Variants in PCDH8 observed in about 807,000 individuals in gnomAD.
The protein encoded by PCDH8 is protocadherin 8.
PCDH8 carries 36 observed loss-of-function variants against 58.2 expected under a neutral mutation model. That is an observed-to-expected ratio of 0.62 (90% CI 0.47 to 0.82). The LOEUF is 0.82. Among genes scored for constraint, PCDH8 ranks in the 40% least tolerant of loss-of-function variants. The probability of loss-of-function intolerance (pLI) is 0.00; values close to 1 mark genes in which losing one functional copy is unlikely to be tolerated. For synonymous variants in PCDH8, 775 were observed against 728.9 expected (o/e 1.06, Z -1.02); for missense variants, 1,493 against 1,567.8 (o/e 0.95, Z 0.81).
chr13:52,843,356 CTG>C lies in PCDH8; in HGVS notation c.*1202_*1203del, dbSNP rs1278139265. 1 of 152,146 alleles carries C rather than the reference CTG, an allele frequency of 6.6e-6. No individual in the cohort carries two copies. Among genetic ancestry groups the C allele is most frequent in the Non-Finnish European group, 1.5e-5 (1 of 68,014 alleles). The allele number at this position is 152,146 out of a possible 1,614,324, so 9.4% of individuals were successfully genotyped here. A position where few individuals can be genotyped will look rare whatever the true frequency, so the allele number is the denominator to read the frequency against. On this transcript the variant is annotated 3_prime_UTR_variant, in exon 3 of 3. Transcript: ENST00000377942. The stretch of plus-strand genomic sequence containing the variant: ...AATCGATCTTGTTTCACATAGCTCC[CTG>C]TGTTTTTTTCTAGAACATTTTAAAG...
chr13:52,845,777 G>A (rs767835988), intron 1 of PCDH8, 29 bp downstream of exon 1: 8 of 1,496,994 alleles, frequency 5.3e-6, no homozygotes, highest in South Asian at 3.9e-5. Context: ...GAGCTCGGAG[G>A]GGGGCGCCCA....
rs1482311485 is a variant in PCDH8 at position 52,847,780 on chromosome 13, G to A, written c.657C>T (p.Asp219=). The A allele has an allele frequency of 1.7e-5, 25 of 1,466,148 alleles. No homozygotes were observed. The East Asian group carries it at 3.4e-4, about 20-fold the overall frequency. The allele number at this position is 1,466,148 out of a possible 1,614,324, so 90.8% of individuals were successfully genotyped here. The part of the protein sequence containing the change: ...AAYSLELVAQ[D]GGRPPRSATA... ...TGGCGGAGCGCGGCGGGCGGCCGCC[G>A]TCCTGGGCCACCAGCTCCAGGCTGT... The change falls in exon 1 of 3, where the codon GAC becomes GAT. Residue 219 remains aspartate, a synonymous_variant. Transcript: ENST00000377942.
rs1000022179 is a variant in PCDH8 at position 52,846,341 on chromosome 13, G to A, written c.2096C>T (p.Pro699Leu). 3 of 1,566,516 alleles carry A rather than the reference G, an allele frequency of 1.9e-6. No homozygotes were observed. Among genetic ancestry groups the A allele is most frequent in the Non-Finnish European group, 1.7e-6 (2 of 1,157,894 alleles). ...LLVISDGGRPPLTTTATVSFV... is the reference protein window; with the variant it reads ...LLVISDGGRPLLTTTATVSFV... ...GCTGACAGTTGCGGTGGTGGTGAGC[G>A]GGGGACGGCCGCCGTCGGATATGAC... Residue 699 changes from proline (P) to leucine (L), a missense_variant, in exon 1 of 3, where the codon CCG becomes CTG. Pro to Leu is a moderately conservative substitution (Grantham distance 98, BLOSUM62 -3). Transcript: ENST00000377942.
At position 52,845,456 on chromosome 13, in the gene PCDH8, C is replaced by A. The variant is rs576336303; in HGVS notation, c.2808G>T (p.Leu936=). ...DSDSDISGDA[L]KKDLINHMQS... ...GCATGTGGTTGATGAGATCCTTTTT[C>A]AGAGCGTCCCCGCTGATGTCGGAAT... The change falls in exon 2 of 3, where the codon CTG becomes CTT. Residue 936 remains leucine, a synonymous_variant. Coordinates refer to ENST00000377942, the MANE Select transcript of PCDH8 (RefSeq NM_002590.4). 3 of 1,614,098 alleles carry A rather than the reference C, an allele frequency of 1.9e-6. No homozygotes were observed. Among genetic ancestry groups the A allele is most frequent in the Non-Finnish European group, 2.5e-6 (3 of 1,180,046 alleles).
Position 52,847,011 on chromosome 13 carries a change from G to T in PCDH8, c.1426C>A (p.Pro476Thr). 6.4e-7 allele frequency: 1 copy of T among 1,569,390 alleles called. No homozygotes were observed. The change falls in exon 1 of 3, where the codon CCG (proline) becomes ACG (threonine). Residue 476 changes from proline to threonine, a missense_variant. Pro to Thr is a conservative substitution (Grantham distance 38). Transcript: ENST00000377942. ...GTGTAGGGCCGCACTGTGCGCAGCG[G>T]GGGCGCGCCGCGATCCTCGGCCACC... ...TLVAEDRGAP[P>T]LRTVRPYTVR...
rs1224956304 is a variant in PCDH8, at chr13:52,843,556, C to A, written c.*1004G>T. On this transcript the variant is annotated 3_prime_UTR_variant, in exon 3 of 3. Coordinates refer to ENST00000377942, the MANE Select transcript of PCDH8 (RefSeq NM_002590.4). ...TGTTAGTCTTTTTGATACTAACACC[C>A]CGAATAAGCTGAGGGCTCTTTGGGA... The A allele has an allele frequency of 6.6e-6, 1 of 152,166 alleles. No individual in the cohort carries two copies. Among genetic ancestry groups the A allele is most frequent in the African/African-American group, 2.4e-5 (1 of 41,432 alleles). 9.4% of individuals were successfully genotyped at this position (152,166 alleles called of 1,614,324 possible).
At position 52,846,415 on chromosome 13, in the gene PCDH8, G is replaced by A; in HGVS notation, c.2022C>T (p.Thr674=). 1 of 1,598,318 alleles carries A rather than the reference G, an allele frequency of 6.3e-7. No homozygotes were observed. The stretch of plus-strand genomic sequence containing the variant: ...CGGGTGGCTCCTGCGAGAGGTCGCC[G>A]GTGAGCAGTATCTCCCCCGTGCGGC... ...IGRRTGEILL[T]GDLSQEPPGR... Residue 674 remains threonine, a synonymous_variant, in exon 1 of 3, where the codon ACC becomes ACT. Transcript: ENST00000377942.
chr13:52,848,106 A>C lies in PCDH8; in HGVS notation c.331T>G (p.Phe111Val). The C allele has an allele frequency of 6.2e-7, 1 of 1,612,816 alleles. No homozygotes were observed. The highest frequency in any genetic ancestry group is 8.5e-7 in the Non-Finnish European group (1 of 1,179,778). The change falls in exon 1 of 3, where the codon TTC (phenylalanine) becomes GTC (valine). Residue 111 changes from phenylalanine (F) to valine (V), a missense_variant. By Grantham distance (50) the Phe-to-Val change is conservative. This residue lies in a region of PCDH8 where 1,307 missense variants were observed against 1,362.7 expected (regional missense o/e 0.96). Transcript: ENST00000377942. ...ACCAGCCGGAACTGCTCCTGCGAGA[A>C]GCTGACCACATCGAAGGCCAGCACG... Reference protein sequence around the residue: ...QCVLAFDVVSFSQEQFRLVHV... With the variant: ...QCVLAFDVVSVSQEQFRLVHV...
In PCDH8 at chr13:52,847,665, C is replaced by G; in HGVS notation, c.772G>C (p.Asp258His). Residue 258 changes from aspartate (D) to histidine (H), a missense_variant, in exon 1 of 3, where the codon GAC (aspartate) becomes CAC (histidine). Around this residue, in one of 3 missense-constraint regions of PCDH8, gnomAD observed 1,307 missense variants for 1,362.7 expected, o/e 0.96. Transcript: ENST00000377942. ...AGAAGCAGGGAGCCCACGGGCGCGT[C>G]TTCCGCCAGCTCCACTTCGGCCACG... ...GAVAEVELAE[D>H]APVGSLLLDL... The G allele has an allele frequency of 6.4e-7, 1 of 1,567,956 alleles. No individual in the cohort carries two copies. The highest frequency in any genetic ancestry group is 1.2e-5 in the South Asian group (1 of 86,324).
chr13:52,847,267 G>A lies in PCDH8; in HGVS notation c.1170C>T (p.Ala390=), dbSNP rs758094795. The A allele has an allele frequency of 2.2e-6, 3 of 1,374,502 alleles. No individual in the cohort carries two copies. Among genetic ancestry groups the A allele is most frequent in the African/African-American group, 3.0e-5 (2 of 65,964 alleles). 85.1% of individuals were successfully genotyped at this position (1,374,502 alleles called of 1,614,324 possible). A position where few individuals can be genotyped will look rare whatever the true frequency, so the allele number is the denominator to read the frequency against. Residue 390 remains alanine (A), a synonymous_variant, in exon 1 of 3, where the codon GCC becomes GCT. Transcript: ENST00000377942. ...AAGTGGCACCAGCCTCCGGCGTCCC[G>A]GCTCCCGCCGGCGAGCTAGCGTCCG... ...GGADASSPAG[A]GTPEAGATSL...
At position 52,848,464 on chromosome 13, in the gene PCDH8, G is replaced by C; in HGVS notation, c.-28C>G. 6.5e-7 allele frequency: 1 copy of C among 1,548,386 alleles called. No homozygotes were observed. Among genetic ancestry groups the C allele is most frequent in the Non-Finnish European group, 8.7e-7 (1 of 1,152,432 alleles). ...CTCCAGCCTCAAGTGCGATCCGAAA[G>C]GCTAAGGAAGTCTTCTCTGGTTTCC... On this transcript the variant is annotated 5_prime_UTR_variant, in exon 1 of 3. Coordinates refer to ENST00000377942, the MANE Select transcript of PCDH8 (RefSeq NM_002590.4).
rs1347884694 is a variant in PCDH8 at position 52,848,355 on chromosome 13, G to C, written c.82C>G (p.Gln28Glu). The change falls in exon 1 of 3, where the codon CAG (glutamine) becomes GAG (glutamate). Residue 28 changes from glutamine (Q) to glutamate (E), a missense_variant. By Grantham distance (29) the Gln-to-Glu change is conservative (BLOSUM62 2). This residue lies in a region of PCDH8 where 1,307 missense variants were observed against 1,362.7 expected (regional missense o/e 0.96). Transcript: ENST00000377942. The stretch of plus-strand genomic sequence containing the variant: ...GTGCTGTATCGGACTGTTTTGCTCT[G>C]GGCCACTGAGAGCACCCAGCAGAGG... ...FSLCWVLSVA[Q>E]SKTVRYSTFE... 5.6e-6 allele frequency: 9 copies of C among 1,612,750 alleles called. No homozygotes were observed. Among genetic ancestry groups the C allele is most frequent in the Non-Finnish European group, 7.6e-6 (9 of 1,180,036 alleles).
Position 52,846,733 on chromosome 13 carries a change from G to A in PCDH8, c.1704C>T (p.Asp568=). ...CGTCGAGTTGGCGCAGCGTCTCATA[G>A]TCGAAGCTGCGCAGCGCGTAGATGG... ...TGAIYALRSF[D]YETLRQLDVR... The change falls in exon 1 of 3, where the codon GAC becomes GAT. Residue 568 remains aspartate, a synonymous_variant. Transcript: ENST00000377942. The A allele has an allele frequency of 6.3e-7, 1 of 1,591,708 alleles. No individual in the cohort carries two copies. The highest frequency in any genetic ancestry group is 8.5e-7 in the Non-Finnish European group (1 of 1,174,838).
At position 52,847,223 on chromosome 13, in the gene PCDH8, G is replaced by A. The variant is rs367757171; in HGVS notation, c.1214C>T (p.Ala405Val). Residue 405 changes from alanine (A) to valine (V), a missense_variant, in exon 1 of 3, where the codon GCG becomes GTG. This residue lies in a region of PCDH8 where 1,307 missense variants were observed against 1,362.7 expected (regional missense o/e 0.96). Coordinates refer to ENST00000377942, the MANE Select transcript of PCDH8 (RefSeq NM_002590.4). ...AGATSLVPEG[A>V]ARESLVALVS... ...CAGGGCCACCAGGCTCTCGCGCGCC[G>A]CCCCCTCCGGCACCAGCGAAGTGGC... 92 of 1,396,892 alleles carry A rather than the reference G, an allele frequency of 6.6e-5. 1 individual carries two copies. The East Asian group carries it at 2.4e-3, about 37-fold the overall frequency. 86.5% of individuals were successfully genotyped at this position (1,396,892 alleles called of 1,614,324 possible).
rs1965769171 is a variant in PCDH8, at chr13:52,847,870, C to T, written c.567G>A (p.Ala189=). The change falls in exon 1 of 3, where the codon GCG becomes GCA. Residue 189 remains alanine (A), a synonymous_variant. Coordinates refer to ENST00000377942, the MANE Select transcript of PCDH8 (RefSeq NM_002590.4). ...SPFRVELQTR[A]DGAQCADLVL... ...CCAGGTCTGCGCACTGAGCGCCGTC[C>T]GCTCGCGTCTGCAGCTCCACGCGAA... 3 of 1,522,092 alleles carry T rather than the reference C, an allele frequency of 2.0e-6. No individual in the cohort carries two copies. The highest frequency in any genetic ancestry group is 2.6e-6 in the Non-Finnish European group (3 of 1,140,014). The allele number at this position is 1,522,092 out of a possible 1,614,324, so 94.3% of individuals were successfully genotyped here.
rs1163803685 is a variant in PCDH8 at position 52,844,762 on chromosome 13, T to C, written c.3011A>G (p.Tyr1004Cys). 1 of 1,613,376 alleles carries C rather than the reference T, an allele frequency of 6.2e-7. No individual in the cohort carries two copies. Among genetic ancestry groups the C allele is most frequent in the Admixed American group, 1.7e-5 (1 of 59,950 alleles). Residue 1004 changes from tyrosine (Y) to cysteine (C), a missense_variant, in exon 3 of 3, where the codon TAC becomes TGC. Coordinates refer to ENST00000377942, the MANE Select transcript of PCDH8 (RefSeq NM_002590.4). ...CACTGTCTTGGGCAGCTGGGCCTGGTAGTAATTGTCCCTGCGCAGAGGATC... is the reference window on the plus strand; with the variant it reads ...CACTGTCTTGGGCAGCTGGGCCTGGCAGTAATTGTCCCTGCGCAGAGGATC... Reference protein sequence around the residue: ...PRDPLRRDNYYQAQLPKTVGL... With the variant: ...PRDPLRRDNYCQAQLPKTVGL...
chr13:52,846,798 C>G lies in PCDH8; in HGVS notation c.1639G>C (p.Ala547Pro). The G allele has an allele frequency of 6.4e-7, 1 of 1,553,576 alleles. No homozygotes were observed. Among genetic ancestry groups the G allele is most frequent in the Non-Finnish European group, 8.6e-7 (1 of 1,156,504 alleles). Residue 547 changes from alanine (A) to proline (P), a missense_variant, in exon 1 of 3, where the codon GCC becomes CCC. By Grantham distance (27) the Ala-to-Pro change is conservative (BLOSUM62 -1). Coordinates refer to ENST00000377942, the MANE Select transcript of PCDH8 (RefSeq NM_002590.4). ...TCCACCGAGACATAAGTGGACACGGCGCCCCCGGCGCGGCCCACCTCGGCC... is the reference window on the plus strand; with the variant it reads ...TCCACCGAGACATAAGTGGACACGGGGCCCCCGGCGCGGCCCACCTCGGCC... ...LEAEVGRAGG[A>P]VSTYVSVDPA...
At position 52,843,374 on chromosome 13, in the gene PCDH8, C is replaced by T. The variant is rs551607476; in HGVS notation, c.*1186G>A. ...TAGCTCCCTGTGTTTTTTTCTAGAA[C>T]ATTTTAAAGCGAATCCCAAACATCA... On this transcript the variant is annotated 3_prime_UTR_variant, in exon 3 of 3. Transcript: ENST00000377942. 9.3e-4 allele frequency: 142 copies of T among 152,142 alleles called. No individual in the cohort carries two copies. Among genetic ancestry groups the T allele is most frequent in the African/African-American group, 3.3e-3 (139 of 41,504 alleles). The allele number at this position is 152,142 out of a possible 1,614,324, so 9.4% of individuals were successfully genotyped here. A position where few individuals can be genotyped will look rare whatever the true frequency, so the allele number is the denominator to read the frequency against.
rs1965762672 is a variant in PCDH8 at position 52,847,570 on chromosome 13, G to T, written c.867C>A (p.Thr289=). ...GAAAGAGGCGGCGCGCCTCCGGCGG[G>T]GTGCGGGCGCCAAATGCGAACACCA... ...GDVVFAFGAR[T]PPEARRLFRL... Residue 289 remains threonine (T), a synonymous_variant, in exon 1 of 3, where the codon ACC becomes ACA. Coordinates refer to ENST00000377942, the MANE Select transcript of PCDH8 (RefSeq NM_002590.4). 3.8e-6 allele frequency: 6 copies of T among 1,562,286 alleles called. No individual in the cohort carries two copies. The highest frequency in any genetic ancestry group is 1.8e-5 in the Admixed American group (1 of 54,338).
Sources: allele counts gnomAD v4.1 joint callset, GRCh38; gene constraint gnomAD v4.1.1; regional missense constraint gnomAD v4.1.1; transcripts MANE v1.5; gene names NCBI Gene and HGNC (gene_info 2026-07-23, HGNC 2026-07-21).